Variants in BCL2L11 observed in about 807,000 individuals in gnomAD.
The protein encoded by BCL2L11 is BCL2 like 11, also known as bcl-2-like protein 11.
Under a neutral mutation model 20.6 loss-of-function variants are expected in BCL2L11, and 15 were observed. The observed-to-expected ratio is 0.73, with a 90% confidence interval of 0.49 to 1.12. BCL2L11 has a LOEUF of 1.12. Ranked by LOEUF, BCL2L11 falls within the 50% of genes most tolerant of loss-of-function variation. The probability of loss-of-function intolerance (pLI) is 0.00; values close to 1 mark genes in which losing one functional copy is unlikely to be tolerated. For synonymous variants in BCL2L11, 108 were observed against 92.8 expected (o/e 1.16, Z -0.94); for missense variants, 292 against 260.9 (o/e 1.12, Z -0.82).
intron 2 of BCL2L11, among the ~76,000 whole-genome samples, chr2:111,132,806 G>C (rs550096941): frequency 6.6e-6 from 1 of 152,236 alleles, no homozygotes; most frequent in Non-Finnish European, 1.5e-5. Context: ...TTTGCTTATC[G>C]AAGATCAGGA....
At chr2:111,122,304 GT>G (rs1182806585) in intron 1 of BCL2L11, among the ~76,000 whole-genome samples, 1 of 152,242 alleles carries the variant, frequency 6.6e-6, no homozygotes, top group African/African-American at 2.4e-5. Context: ...TTGTCTCCAG[GT>G]GACTGGCTGT....
At chr2:111,137,183 AT>A (rs1383853417) in intron 2 of BCL2L11, among the ~76,000 whole-genome samples, 1 of 152,202 alleles carries the variant, frequency 6.6e-6, no homozygotes, top group Non-Finnish European at 1.5e-5. Flanking sequence ...TGCCAGTTGA[AT>A]GCTGTACATT....
intron 3 of BCL2L11, among the ~76,000 whole-genome samples, chr2:111,154,075 C>G (rs80019678): frequency 0.035 from 5,284 of 152,238 alleles, 330 homozygotes; most frequent in African/African-American, 0.12. Flanking sequence ...AAAAATGTTG[C>G]AAGAATGACA....
intron 1 of BCL2L11, chr2:111,122,851 G>T (rs575209173): frequency 1.6e-5 from 16 of 985,372 alleles, no homozygotes; most frequent in Admixed American, 6.1e-5. Context: ...CCCGGTCGGC[G>T]AAGGGCGCGG....
rs924600730 is a variant in BCL2L11, at chr2:111,155,366, C to T, written c.498+5219C>T. 2.6e-5 allele frequency among the ~76,000 whole-genome samples: 4 copies of T among 152,074 alleles called. No individual in the cohort carries two copies. In the East Asian group the frequency reaches 5.8e-4, roughly 22 times the overall value. On this transcript the variant is annotated intron_variant, in intron 3 of 3. Coordinates refer to ENST00000393256, the MANE Select transcript of BCL2L11 (RefSeq NM_138621.5). ...ACCCAAACTGTGTGAGCGCATGTAC[C>T]GGTTCATCTGCTGGACGCAGTGCCA...
At position 111,164,395 on chromosome 2, in the gene BCL2L11, T is replaced by A. The variant is rs980787718; in HGVS notation, c.*164T>A. The A allele has an allele frequency of 1.5e-5, 9 of 585,308 alleles. No homozygotes were observed. The highest frequency in any genetic ancestry group is 2.8e-5 in the Non-Finnish European group (9 of 321,830). The allele number at this position is 585,308 out of a possible 1,614,324, so 36.3% of individuals were successfully genotyped here. A position where few individuals can be genotyped will look rare whatever the true frequency, so the allele number is the denominator to read the frequency against. On this transcript the variant is annotated 3_prime_UTR_variant, in exon 4 of 4. Transcript: ENST00000393256. The stretch of plus-strand genomic sequence containing the variant: ...ACACCGAGCTGGATGGGACTACCTT[T>A]CTGTTCATCACCACACAGCAGAATT...
chr2:111,150,093 C>T lies in BCL2L11; in HGVS notation c.444C>T (p.Ile148=), dbSNP rs143377281. ...CAGATATGCGCCCAGAGATATGGAT[C>T]GCCCAAGAGTTGCGGCGTATTGGAG... ...EPADMRPEIW[I]AQELRRIGDE... is the part of the protein sequence containing the mutation. Residue 148 remains isoleucine (I), a synonymous_variant, in exon 3 of 4, where the codon ATC becomes ATT. Transcript: ENST00000393256. 169 of 1,614,024 alleles carry T rather than the reference C, an allele frequency of 1.0e-4. No homozygotes were observed. The African/African-American group carries it at 1.8e-3, about 17-fold the overall frequency.
chr2:111,156,319 C>T (rs1275264462), intron 3 of BCL2L11, among the ~76,000 whole-genome samples: 1 of 152,178 alleles, frequency 6.6e-6, no homozygotes, highest in African/African-American at 2.4e-5. Flanking sequence ...TAGGTTGCCC[C>T]ACACTTCACT....
intron 2 of BCL2L11, among the ~76,000 whole-genome samples, chr2:111,141,967 C>G (rs1161134422): frequency 6.6e-6 from 1 of 152,158 alleles, no homozygotes; most frequent in Non-Finnish European, 1.5e-5. Context: ...TCCCAAAGTG[C>G]TAGGATTACA....
At chr2:111,160,359 A>AT (rs2078407240) in intron 3 of BCL2L11, among the ~76,000 whole-genome samples, 1 of 152,144 alleles carries the variant, frequency 6.6e-6, no homozygotes, top group African/African-American at 2.4e-5. Flanking sequence ...CGACACAGCT[A>AT]TTACCATCAG....
chr2:111,143,269 A>G (rs182411800), intron 2 of BCL2L11, among the ~76,000 whole-genome samples: 5 of 152,310 alleles, frequency 3.3e-5, no homozygotes, highest in Non-Finnish European at 5.9e-5. Flanking sequence ...GTCTTTCCCC[A>G]GAAGAACACT....
At chr2:111,122,402 C>T (rs1026648337) in intron 1 of BCL2L11, among the ~76,000 whole-genome samples, 1 of 152,152 alleles carries the variant, frequency 6.6e-6, no homozygotes, top group South Asian at 2.1e-4. Context: ...CTCAAATCCT[C>T]CGACGAAGCG....
At chr2:111,160,364 C>T (rs2078407566) in intron 3 of BCL2L11, among the ~76,000 whole-genome samples, 3 of 152,184 alleles carry the variant, frequency 2.0e-5, no homozygotes, top group African/African-American at 4.8e-5. Flanking sequence ...CAGCTATTAC[C>T]ATCAGACCTA....
At chr2:111,153,898 G>T in intron 3 of BCL2L11, 1 of 1,545,848 alleles carries the variant, frequency 6.5e-7, no homozygotes, top group Non-Finnish European at 8.7e-7. Context: ...AGGTGAGAGA[G>T]GCACAGGTGA....
intron 2 of BCL2L11, chr2:111,142,257 ATCTG>A: frequency 2.1e-6 from 3 of 1,428,068 alleles, no homozygotes; most frequent in East Asian, 2.5e-5. Context: ...AAAACAAGTT[ATCTG>A]TCTGGGAAGA....
chr2:111,161,317 A>C, intron 3 of BCL2L11: 1 of 1,374,806 alleles, frequency 7.3e-7, no homozygotes, highest in Admixed American at 2.0e-5. Context: ...TATTTATTTT[A>C]ATAGTTTTTT....
intron 2 of BCL2L11, among the ~76,000 whole-genome samples, chr2:111,147,354 A>T (rs892403255): frequency 0.021 from 2,250 of 108,198 alleles, 32 homozygotes; most frequent in Middle Eastern, 0.038. Context: ...TCTCACACAC[A>T]CACACACACA....
intron 2 of BCL2L11, among the ~76,000 whole-genome samples, chr2:111,125,323 G>T (rs1318077293): frequency 6.6e-6 from 1 of 152,214 alleles, no homozygotes; most frequent in African/African-American, 2.4e-5. Flanking sequence ...CCTTGGTGAG[G>T]GGCTGAGTCT....
Position 111,121,017 on chromosome 2 carries a change from C to T in BCL2L11, c.-185C>T. Reference sequence around the variant, plus strand: ...GCCGCCGCCGCCGCCGCCGCCGCCGCCGCCACTACCACCACTTGATTCTTG... The same window carrying T: ...GCCGCCGCCGCCGCCGCCGCCGCCGTCGCCACTACCACCACTTGATTCTTG... On this transcript the variant is annotated 5_prime_UTR_variant, in exon 1 of 4. Coordinates refer to ENST00000393256, the MANE Select transcript of BCL2L11 (RefSeq NM_138621.5). 1 of 405,340 alleles carries T rather than the reference C, an allele frequency of 2.5e-6. No homozygotes were observed. The highest frequency in any genetic ancestry group is 4.4e-6 in the Non-Finnish European group (1 of 229,274). 25.1% of individuals were successfully genotyped at this position (405,340 alleles called of 1,614,324 possible). A position where few individuals can be genotyped will look rare whatever the true frequency, so the allele number is the denominator to read the frequency against.
Sources: gnomAD v4.1 joint callset for allele counts (sites outside exome capture counted in the v4.1 genomes callset) on GRCh38, gnomAD v4.1.1 for gene constraint, MANE v1.5 for transcripts, NCBI Gene and HGNC (gene_info 2026-07-23, HGNC 2026-07-21) for gene names.